Variants in ACOT7 observed in about 807,000 individuals in gnomAD.
ACOT7 encodes acyl-CoA thioesterase 7.
A neutral mutation model predicts 40.2 loss-of-function variants in ACOT7; 12 were observed. That is an observed-to-expected ratio of 0.30 (90% CI 0.19 to 0.48). ACOT7 has a LOEUF of 0.48. Ranked by LOEUF, ACOT7 falls within the 20% of genes least tolerant of loss-of-function variation. ACOT7 has a pLI of 0.99. For missense variants in ACOT7, 395 were observed against 530.8 expected (o/e 0.74, Z 2.51); for synonymous variants, 228 against 219.5 (o/e 1.04, Z -0.34).
intron 4 of ACOT7, 55 bp from the exon 5 acceptor site, chr1:6,327,468 G>A (rs6577571): frequency 9.7e-6 from 15 of 1,552,736 alleles, no homozygotes; most frequent in African/African-American, 2.7e-5. Context: ...TCCTCCCCTC[G>A]CTGGGCGGCC....
At chr1:6,353,198 C>T (rs557178890) in intron 1 of ACOT7, among the ~76,000 whole-genome samples, 29 of 151,888 alleles carry the variant, frequency 1.9e-4, no homozygotes, top group African/African-American at 3.4e-4. Flanking sequence ...ACAGGCTGGG[C>T]GCAGTGGCTA....
At chr1:6,381,969 C>A (rs1399691571) in intron 1 of ACOT7, among the ~76,000 whole-genome samples, 1 of 150,162 alleles carries the variant, frequency 6.7e-6, no homozygotes, top group Non-Finnish European at 1.5e-5. Context: ...CCCATCTCTA[C>A]TAAAAATACA....
At chr1:6,318,458 C>T in intron 6 of ACOT7, 34 bp downstream of exon 6, 1 of 1,602,962 alleles carries the variant, frequency 6.2e-7, no homozygotes, top group Non-Finnish European at 8.5e-7. Flanking sequence ...AGCCAAGGGA[C>T]AGGAATGGAG....
chr1:6,301,720 A>C lies in ACOT7; in HGVS notation c.713-6740T>G, dbSNP rs1241695447. Among the ~76,000 whole-genome samples, 1 of 152,200 alleles carries C rather than the reference A, an allele frequency of 6.6e-6. No homozygotes were observed. Among genetic ancestry groups the C allele is most frequent in the South Asian group, 2.1e-4 (1 of 4,822 alleles). Reference sequence around the variant, plus strand: ...AAGTATGTGGCTCCTTCAGGCAACAATTTGCGTCAAGAATTAGTCACAGAT... The same window carrying C: ...AAGTATGTGGCTCCTTCAGGCAACACTTTGCGTCAAGAATTAGTCACAGAT... On this transcript the variant is annotated intron_variant, in intron 6 of 8. Transcript: ENST00000361521. The surrounding 1 kb of genome is among the most constrained non-coding windows in gnomAD (Gnocchi z 4.1).
At chr1:6,318,029 G>A (rs1233411176) in intron 6 of ACOT7, among the ~76,000 whole-genome samples, 2 of 151,942 alleles carry the variant, frequency 1.3e-5, no homozygotes, top group African/African-American at 4.8e-5. Context: ...ATGGCGCCCA[G>A]CCTGCCAGCA....
rs950578084 is a variant in ACOT7 at position 6,289,890 on chromosome 1, G to A, written c.829+4974C>T. Reference sequence around the variant, plus strand: ...CACATCAGAAAACCCCCTTCCACCTGCTAAGACAGAATAATGTGCTCCCAA... The same window carrying A: ...CACATCAGAAAACCCCCTTCCACCTACTAAGACAGAATAATGTGCTCCCAA... On this transcript the variant is annotated intron_variant, in intron 7 of 8. Transcript: ENST00000361521. This position sits in a 1 kb window ranked among gnomAD's most constrained non-coding sequence, Gnocchi z 4.6. Among the ~76,000 whole-genome samples the A allele has an allele frequency of 1.3e-5, 2 of 152,146 alleles. No homozygotes were observed. Among genetic ancestry groups the A allele is most frequent in the Non-Finnish European group, 2.9e-5 (2 of 68,028 alleles).
rs746248748 is a variant in ACOT7, at chr1:6,327,407, G to C, written c.517C>G (p.Arg173Gly). Reference protein sequence around the residue: ...VLEVPPVVYSRQEQEEEGRKR... With the variant: ...VLEVPPVVYSGQEQEEEGRKR... ...CGGCCCTCCTCCTCCTGCTCCTGCC[G>C]GGAATACTGCGAGAAACCAAAGACA... Residue 173 changes from arginine to glycine, a missense_variant, in exon 5 of 9, where the codon CGG (arginine) becomes GGG (glycine). By Grantham distance (125) the Arg-to-Gly change is moderately radical. Transcript: ENST00000361521. 1.5e-5 allele frequency: 25 copies of C among 1,614,044 alleles called. No homozygotes were observed. Among genetic ancestry groups the C allele is most frequent in the Non-Finnish European group, 2.1e-5 (25 of 1,179,978 alleles).
intron 5 of ACOT7, 122 bp from the exon 6 acceptor site, chr1:6,318,700 C>T: frequency 1.1e-6 from 1 of 933,506 alleles, no homozygotes; most frequent in South Asian, 1.5e-5. Flanking sequence ...AAGCCGGGTT[C>T]AGCTATGATT....
chr1:6,280,954 T>C, intron 8 of ACOT7, 148 bp downstream of exon 8: 1 of 1,122,034 alleles, frequency 8.9e-7, no homozygotes, highest in Non-Finnish European at 1.3e-6. Flanking sequence ...AGGTCACCGG[T>C]CACGGCAGTG....
At chr1:6,281,858 T>C (rs1382412699) in intron 7 of ACOT7, among the ~76,000 whole-genome samples, 3 of 152,110 alleles carry the variant, frequency 2.0e-5, no homozygotes, top group African/African-American at 4.8e-5. Flanking sequence ...CTTGGTGGGA[T>C]TGAATCTTAT....
At chr1:6,303,642 G>A (rs1193871720) in intron 6 of ACOT7, among the ~76,000 whole-genome samples, 6 of 152,198 alleles carry the variant, frequency 3.9e-5, no homozygotes, top group Admixed American at 6.5e-5. Context: ...CGTGGGCGCC[G>A]GCCTCCTATA....
In ACOT7 at chr1:6,379,464, C is replaced by CT. The variant is rs552359033; in HGVS notation, c.143+13792dup. On this transcript the variant is annotated intron_variant, in intron 1 of 8. Coordinates refer to ENST00000361521, the MANE Select transcript of ACOT7 (RefSeq NM_007274.4). ...AATGGTAAGAGCTAAAGCTATGTAA[C>CT]TTTTTTTTTTTGAGACAGGGTCTCA... is the stretch of plus-strand genomic sequence containing the variant. Among the ~76,000 whole-genome samples, 755 of 148,034 alleles carry CT rather than the reference C, an allele frequency of 5.1e-3. 4 individuals carry two copies. Among genetic ancestry groups the CT allele is most frequent in the African/African-American group, 0.016 (660 of 40,720 alleles).
intron 7 of ACOT7, among the ~76,000 whole-genome samples, chr1:6,283,221 T>C (rs947902669): frequency 3.3e-5 from 5 of 152,218 alleles, no homozygotes; most frequent in Admixed American, 1.3e-4. Context: ...TGGAGGGCAG[T>C]GGTGCCATCA....
At chr1:6,327,190 A>C (rs1640821048) in intron 5 of ACOT7, 109 bp downstream of exon 5, 1 of 1,115,800 alleles carries the variant, frequency 9.0e-7, no homozygotes, top group Admixed American at 2.1e-5. Flanking sequence ...GAGCATGCTC[A>C]GCACCTGGGG....
At position 6,385,553 on chromosome 1, in the gene ACOT7, G is replaced by A. The variant is rs776749790; in HGVS notation, c.143+7704C>T. On this transcript the variant is annotated intron_variant, in intron 1 of 8. Transcript: ENST00000361521. ...CAGCCCTGGGCCCAACCACCTGGACGGGAGCGCAGCACCCTCGCCGGGGCC... is the reference window on the plus strand; with the variant it reads ...CAGCCCTGGGCCCAACCACCTGGACAGGAGCGCAGCACCCTCGCCGGGGCC... 26 of 1,612,094 alleles carry A rather than the reference G, an allele frequency of 1.6e-5. No homozygotes were observed. In the South Asian group the frequency reaches 1.8e-4, roughly 11 times the overall value.
chr1:6,367,619 G>A (rs542370041), intron 1 of ACOT7, among the ~76,000 whole-genome samples: 10 of 152,336 alleles, frequency 6.6e-5, no homozygotes, highest in Admixed American at 5.2e-4. Flanking sequence ...AGCTTGCCTG[G>A]TTGGCACACG....
rs1639394110 is a variant in ACOT7, at chr1:6,282,828, C to T, written c.830-1542G>A. On this transcript the variant is annotated intron_variant, in intron 7 of 8. Coordinates refer to ENST00000361521, the MANE Select transcript of ACOT7 (RefSeq NM_007274.4). This position sits in a 1 kb window ranked among gnomAD's most constrained non-coding sequence, Gnocchi z 4.5. ...GGTACAGAGTCCCATGCAAAGCGCC[C>T]GCAGTCACAAGACGCACCCCGGGAG... 3 of 1,301,478 alleles carry T rather than the reference C, an allele frequency of 2.3e-6. No homozygotes were observed. The highest frequency in any genetic ancestry group is 2.3e-5 in the Admixed American group (1 of 43,554). 80.6% of individuals were successfully genotyped at this position (1,301,478 alleles called of 1,614,324 possible).
At chr1:6,276,820 C>G (rs915217776) in intron 8 of ACOT7, among the ~76,000 whole-genome samples, 2 of 152,168 alleles carry the variant, frequency 1.3e-5, no homozygotes, top group African/African-American at 4.8e-5. Context: ...CAGGACACCT[C>G]AGTGAAGAAT....
chr1:6,389,265 G>C (rs1244525103), intron 1 of ACOT7, among the ~76,000 whole-genome samples: 3 of 151,330 alleles, frequency 2.0e-5, no homozygotes, highest in Non-Finnish European at 4.4e-5. Flanking sequence ...CTAAGAGCAT[G>C]GCAAGCAAAG....
Sources: gnomAD v4.1 joint callset for allele counts (sites outside exome capture counted in the v4.1 genomes callset) on GRCh38, gnomAD v4.1.1 for gene constraint, Gnocchi (gnomAD v3.1) non-coding constraint, MANE v1.5 for transcripts, NCBI Gene and HGNC (gene_info 2026-07-23, HGNC 2026-07-21) for gene names.